The following GPBP1L1 variants were observed in gnomAD, a reference collection of about 807,000 sequenced individuals.
GPBP1L1 encodes vasculin-like protein 1.
In GPBP1L1, 23 loss-of-function variants were observed where a neutral mutation model predicts 52.5. That is an observed-to-expected ratio of 0.44 (90% CI 0.32 to 0.62). GPBP1L1 has a LOEUF of 0.62. GPBP1L1 is among the 20% of genes least tolerant of loss of function. The pLI, the probability that GPBP1L1 is intolerant of heterozygous loss-of-function variation, is 0.06. For missense variants in GPBP1L1, 596 were observed against 579.3 expected (o/e 1.03, Z -0.30); for synonymous variants, 243 against 203.1 (o/e 1.20, Z -1.67).
intron 2 of GPBP1L1, among the ~76,000 whole-genome samples, chr1:45,681,771 A>G (rs1645215155): frequency 6.6e-6 from 1 of 152,236 alleles, no homozygotes; most frequent in Non-Finnish European, 1.5e-5. Context: ...GTCTCATTTA[A>G]ATAATTCACT....
intron 2 of GPBP1L1, among the ~76,000 whole-genome samples, chr1:45,667,223 A>T (rs1645021502): frequency 6.6e-6 from 1 of 152,198 alleles, no homozygotes; most frequent in Admixed American, 6.5e-5. Context: ...AAAAAATTAT[A>T]ATAAAGCAGT....
At chr1:45,642,656 A>C (rs571388425) in intron 6 of GPBP1L1, among the ~76,000 whole-genome samples, 157 bp from the exon 7 acceptor site, 2 of 152,388 alleles carry the variant, frequency 1.3e-5, no homozygotes, top group East Asian at 3.8e-4. Context: ...CGTAACAAAC[A>C]GAAAATATCA....
intron 3 of GPBP1L1, among the ~76,000 whole-genome samples, chr1:45,659,512 T>C (rs1644922657): frequency 6.6e-6 from 1 of 152,194 alleles, no homozygotes; most frequent in African/African-American, 2.4e-5. Flanking sequence ...TGGAAGGTTT[T>C]ATGAAGGAAG....
At chr1:45,654,954 T>A (rs1644866921) in intron 5 of GPBP1L1, 125 bp from the exon 6 acceptor site, 2 of 1,081,964 alleles carry the variant, frequency 1.8e-6, no homozygotes, top group South Asian at 1.7e-5. Context: ...AAAAAATGTA[T>A]CTTTTCTTTG....
chr1:45,673,067 T>C (rs1363664148), intron 2 of GPBP1L1, among the ~76,000 whole-genome samples: 1 of 152,078 alleles, frequency 6.6e-6, no homozygotes, highest in Non-Finnish European at 1.5e-5. Context: ...AATAACCCAG[T>C]AGAAAAAGAA....
chr1:45,659,213 T>C lies in GPBP1L1; in HGVS notation c.-55-71A>G, dbSNP rs1392679547. ...TACCAATGTGTAAAGGAATCTGTAA[T>C]TATTCTAAGATTCCTCTTTACAGAA... is the stretch of plus-strand genomic sequence containing the variant. On this transcript the variant is annotated intron_variant, in intron 3 of 12. Transcript: ENST00000355105. The C allele has an allele frequency of 3.9e-5, 34 of 879,194 alleles. 1 individual carries two copies. Among genetic ancestry groups the C allele is most frequent in the South Asian group, 3.5e-4 (22 of 63,570 alleles). 54.5% of individuals were successfully genotyped at this position (879,194 alleles called of 1,614,324 possible). A position where few individuals can be genotyped will look rare whatever the true frequency, so the allele number is the denominator to read the frequency against.
At chr1:45,667,048 G>T (rs180942364) in intron 2 of GPBP1L1, among the ~76,000 whole-genome samples, 19 of 152,290 alleles carry the variant, frequency 1.2e-4, no homozygotes, top group Non-Finnish European at 1.5e-5. Context: ...GGAGGGAATG[G>T]GGTGTGACTG....
chr1:45,647,758 C>A (rs1644768444), intron 6 of GPBP1L1, among the ~76,000 whole-genome samples: 2 of 152,092 alleles, frequency 1.3e-5, no homozygotes, highest in Admixed American at 1.3e-4. Flanking sequence ...CACGCTTCCC[C>A]AGAGAAGCAC....
At chr1:45,684,258 C>CA (rs60624036) in intron 2 of GPBP1L1, among the ~76,000 whole-genome samples, 39,389 of 88,370 alleles carry the variant, frequency 0.45, 8,971 homozygotes, top group African/African-American at 0.52. Context: ...AACTCCGTCT[C>CA]AAAAAAAAAA....
chr1:45,632,270 G>A (rs1644540188), intron 10 of GPBP1L1, among the ~76,000 whole-genome samples: 1 of 152,142 alleles, frequency 6.6e-6, no homozygotes, highest in African/African-American at 2.4e-5. Context: ...TCATGTGGTG[G>A]CACATGCCTG....
At chr1:45,679,420 A>C (rs1043916346) in intron 2 of GPBP1L1, among the ~76,000 whole-genome samples, 17 of 152,104 alleles carry the variant, frequency 1.1e-4, no homozygotes, top group African/African-American at 3.9e-4. Context: ...TGCATCTCTC[A>C]CTTCTGGTGC....
chr1:45,676,552 T>A (rs977145579), intron 2 of GPBP1L1, among the ~76,000 whole-genome samples: 1 of 151,090 alleles, frequency 6.6e-6, no homozygotes, highest in African/African-American at 2.4e-5. Flanking sequence ...CTACTAAAAA[T>A]ACAAAAAATT....
chr1:45,640,187 C>T lies in GPBP1L1; in HGVS notation c.744+23G>A, dbSNP rs1181022025. The T allele has an allele frequency of 1.9e-6, 3 of 1,590,748 alleles. No homozygotes were observed. In the East Asian group the frequency reaches 6.7e-5, roughly 36 times the overall value. ...TCCCAAACCTCTCTTGTATAAGGTTCTTGCCCTGATTCTAAATCATACCTT... is the reference window on the plus strand; with the variant it reads ...TCCCAAACCTCTCTTGTATAAGGTTTTTGCCCTGATTCTAAATCATACCTT... On this transcript the variant is annotated intron_variant, in intron 8 of 12. Coordinates refer to ENST00000355105, the MANE Select transcript of GPBP1L1 (RefSeq NM_021639.5).
chr1:45,632,490 C>A (rs1344289959), intron 10 of GPBP1L1, among the ~76,000 whole-genome samples: 1 of 152,146 alleles, frequency 6.6e-6, no homozygotes, highest in Non-Finnish European at 1.5e-5. Flanking sequence ...CTGAGACAGG[C>A]AGAACACTTG....
chr1:45,644,442 T>G (rs1176574829), intron 6 of GPBP1L1, among the ~76,000 whole-genome samples: 1 of 152,210 alleles, frequency 6.6e-6, no homozygotes, highest in Admixed American at 6.5e-5. Flanking sequence ...GGGTAAAAGT[T>G]CTTTTAAACA....
At chr1:45,642,844 T>A (rs1472769265) in intron 6 of GPBP1L1, among the ~76,000 whole-genome samples, 1 of 152,216 alleles carries the variant, frequency 6.6e-6, no homozygotes, top group Non-Finnish European at 1.5e-5. Flanking sequence ...AGAATGTGGA[T>A]CATTTTCCTC....
In GPBP1L1 at chr1:45,627,676, A is replaced by G. The variant is rs1393720430; in HGVS notation, c.*580T>C. On this transcript the variant is annotated 3_prime_UTR_variant, in exon 13 of 13. Transcript: ENST00000355105. The stretch of plus-strand genomic sequence containing the variant: ...ATATCAAGGCTGCAAGAATAACACA[A>G]CATTTCCTATATCCAAATATTTTAC... The G allele has an allele frequency of 6.6e-6, 1 of 152,326 alleles. No individual in the cohort carries two copies. The highest frequency in any genetic ancestry group is 2.4e-5 in the African/African-American group (1 of 41,348). The allele number at this position is 152,326 out of a possible 1,614,324, so 9.4% of individuals were successfully genotyped here. A position where few individuals can be genotyped will look rare whatever the true frequency, so the allele number is the denominator to read the frequency against.
intron 7 of GPBP1L1, among the ~76,000 whole-genome samples, chr1:45,640,916 G>C (rs951884070): frequency 2.0e-5 from 3 of 152,156 alleles, no homozygotes; most frequent in Non-Finnish European, 4.4e-5. Context: ...TACTTAGGAG[G>C]CTGAGGCGGG....
At chr1:45,634,714 G>A (rs1380716826) in intron 8 of GPBP1L1, 2 of 153,066 alleles carry the variant, frequency 1.3e-5, no homozygotes, top group Non-Finnish European at 2.9e-5. Context: ...GAACTCTGAT[G>A]GCAAAAGGCT....
Sources: allele counts gnomAD v4.1 joint callset (sites outside exome capture counted in the v4.1 genomes callset), GRCh38; gene constraint gnomAD v4.1.1; transcripts MANE v1.5; gene names NCBI Gene and HGNC (gene_info 2026-07-23, HGNC 2026-07-21).